KDM2B: variants seen among roughly 807,000 people sequenced by gnomAD.
KDM2B encodes lysine demethylase 2B, also known as lysine-specific demethylase 2B.
KDM2B carries 26 observed loss-of-function variants against 150.0 expected under a neutral mutation model. That is an observed-to-expected ratio of 0.17 (90% CI 0.13 to 0.24). The LOEUF is 0.24. KDM2B is among the 10% of genes least tolerant of loss of function. KDM2B has a pLI of 1.00. For missense variants in KDM2B, 1,265 were observed against 1,816.9 expected (o/e 0.70, Z 5.52); for synonymous variants, 734 against 729.5 (o/e 1.01, Z -0.10).
In KDM2B at chr12:121,532,915, G is replaced by A. The variant is rs782547447; in HGVS notation, c.822C>T (p.Tyr274=). ...IPPTLHNLAL[Y]EEWVLSGKQS... ...GTTTGCCTGACAGCACCCACTCCTC[G>A]TACAGCGCCAAATTGTGCAGCGTTG... is the stretch of plus-strand genomic sequence containing the variant. The change falls in exon 8 of 23, where the codon TAC becomes TAT. Residue 274 remains tyrosine (Y), a synonymous_variant. Coordinates refer to ENST00000377071, the MANE Select transcript of KDM2B (RefSeq NM_032590.5). 4.3e-6 allele frequency: 7 copies of A among 1,614,050 alleles called. No individual in the cohort carries two copies. The highest frequency in any genetic ancestry group is 4.5e-5 in the East Asian group (2 of 44,894).
At chr12:121,579,057 C>A (rs1891731769) in intron 1 of KDM2B, 111 bp from the exon 2 acceptor site, 2 of 1,210,094 alleles carry the variant, frequency 1.7e-6, no homozygotes, top group East Asian at 4.9e-5. Context: ...CCCTGCACCC[C>A]ACCATTGCAA....
Position 121,575,924 on chromosome 12 carries a change from G to C in KDM2B, c.272-65C>G. The C allele has an allele frequency of 8.0e-7, 1 of 1,247,554 alleles. No individual in the cohort carries two copies. Among genetic ancestry groups the C allele is most frequent in the Non-Finnish European group, 1.2e-6 (1 of 847,268 alleles). The allele number at this position is 1,247,554 out of a possible 1,614,324, so 77.3% of individuals were successfully genotyped here. A position where few individuals can be genotyped will look rare whatever the true frequency, so the allele number is the denominator to read the frequency against. On this transcript the variant is annotated intron_variant, in intron 2 of 22. Coordinates refer to ENST00000377071, the MANE Select transcript of KDM2B (RefSeq NM_032590.5). The surrounding 1 kb of genome is among the most constrained non-coding windows in gnomAD (Gnocchi z 4.4). Reference sequence around the variant, plus strand: ...CGAAGGAGCAAATGAACCGGGATCTGTTGGTTAGGGGAAGAAAACTGATGG... The same window carrying C: ...CGAAGGAGCAAATGAACCGGGATCTCTTGGTTAGGGGAAGAAAACTGATGG...
At chr12:121,449,534 G>A (rs902225640) in intron 13 of KDM2B, among the ~76,000 whole-genome samples, 9 of 152,278 alleles carry the variant, frequency 5.9e-5, no homozygotes, top group Non-Finnish European at 8.8e-5. Flanking sequence ...AGGCACCAGA[G>A]CTGCAAAGAT....
At chr12:121,426,949 A>C (rs1555284327), downstream of KDM2B, among the ~76,000 whole-genome samples, 1 of 152,036 alleles carries the variant, frequency 6.6e-6, no homozygotes, top group Non-Finnish European at 1.5e-5. Context: ...TAAATTTTTT[A>C]AATAGGTCAT....
chr12:121,487,844 C>T (rs898833473), intron 12 of KDM2B, among the ~76,000 whole-genome samples: 9 of 150,118 alleles, frequency 6.0e-5, no homozygotes, highest in Admixed American at 3.3e-4. Flanking sequence ...CACGGTGTCG[C>T]GATCTCGGCT....
rs1171751658 is a variant in KDM2B at position 121,513,651 on chromosome 12, G to T, written c.1048-249C>A. Among the ~76,000 whole-genome samples, 2 of 152,154 alleles carry T rather than the reference G, an allele frequency of 1.3e-5. No individual in the cohort carries two copies. Among genetic ancestry groups the T allele is most frequent in the Non-Finnish European group, 2.9e-5 (2 of 68,018 alleles). On this transcript the variant is annotated intron_variant, in intron 9 of 22. Coordinates refer to ENST00000377071, the MANE Select transcript of KDM2B (RefSeq NM_032590.5). This position sits in a 1 kb window ranked among gnomAD's most constrained non-coding sequence, Gnocchi z 5.0. Reference sequence around the variant, plus strand: ...GGTCCCTGAGCTGCACGCCCCAGAGGTTGGATGGGGGCCACTTGATGCTCC... The same window carrying T: ...GGTCCCTGAGCTGCACGCCCCAGAGTTTGGATGGGGGCCACTTGATGCTCC...
intron 11 of KDM2B, 136 bp from the exon 12 acceptor site, chr12:121,494,801 C>A (rs1023966718): frequency 5.0e-6 from 3 of 601,450 alleles, no homozygotes; most frequent in Non-Finnish European, 8.5e-6. Flanking sequence ...CCACCACCCA[C>A]ACATTCAATA....
At chr12:121,522,147 T>A (rs1284975541) in intron 8 of KDM2B, among the ~76,000 whole-genome samples, 4 of 151,916 alleles carry the variant, frequency 2.6e-5, no homozygotes, top group Non-Finnish European at 5.9e-5. Context: ...AGGGCCCACC[T>A]TGTGCCAGGC....
At chr12:121,577,539 T>C (rs1424032644) in intron 2 of KDM2B, among the ~76,000 whole-genome samples, 1 of 151,828 alleles carries the variant, frequency 6.6e-6, no homozygotes, top group Non-Finnish European at 1.5e-5. Flanking sequence ...CAGGAGGCAA[T>C]GGGCACAAAA....
chr12:121,434,399 G>C (rs1484977861), intron 22 of KDM2B, among the ~76,000 whole-genome samples: 1 of 151,644 alleles, frequency 6.6e-6, no homozygotes, highest in Admixed American at 6.6e-5. Context: ...AGGAGGCTGA[G>C]GCAGGAGAAT....
rs1884286960 is a variant in KDM2B, at chr12:121,499,288, T to C, written c.1648-4623A>G. On this transcript the variant is annotated intron_variant, in intron 11 of 22. Transcript: ENST00000377071. ...CCATGCCCAGCTAATTTTTGTATCT[T>C]TTTTTTTTTTTTTAGTAGAGACAGG... Among the ~76,000 whole-genome samples, 5 of 143,590 alleles carry C rather than the reference T, an allele frequency of 3.5e-5. No homozygotes were observed. In the Admixed American group the frequency reaches 3.5e-4, roughly 10 times the overall value. The allele number at this position is 143,590 out of a possible 152,430, so 94.2% of individuals were successfully genotyped here.
chr12:121,443,171 G>A lies in KDM2B; in HGVS notation c.2566-141C>T, dbSNP rs375499228. The A allele has an allele frequency of 5.7e-4, 431 of 758,946 alleles. 4 individuals carry two copies. Among genetic ancestry groups the A allele is most frequent in the East Asian group, 4.0e-3 (150 of 37,204 alleles). The allele number at this position is 758,946 out of a possible 1,614,324, so 47.0% of individuals were successfully genotyped here. A position where few individuals can be genotyped will look rare whatever the true frequency, so the allele number is the denominator to read the frequency against. The stretch of plus-strand genomic sequence containing the variant: ...CCTTCCCCACAAATGCCATCTCCAC[G>A]TCTGACCGACAGACGGGCGAGCCCT... On this transcript the variant is annotated intron_variant, in intron 17 of 22. Transcript: ENST00000377071.
intron 12 of KDM2B, among the ~76,000 whole-genome samples, chr12:121,487,843 G>A (rs572786384): frequency 2.0e-5 from 3 of 149,276 alleles, no homozygotes; most frequent in South Asian, 4.2e-4. Context: ...GCACGGTGTC[G>A]CGATCTCGGC....
At chr12:121,427,982 T>G (rs1373117757), downstream of KDM2B, among the ~76,000 whole-genome samples, 2 of 152,232 alleles carry the variant, frequency 1.3e-5, no homozygotes, top group Non-Finnish European at 2.9e-5. Context: ...TTTGGAGAAC[T>G]CAGGCTGTCA....
At chr12:121,481,440 A>G (rs554528569) in intron 12 of KDM2B, among the ~76,000 whole-genome samples, 1 of 151,332 alleles carries the variant, frequency 6.6e-6, no homozygotes, top group South Asian at 2.1e-4. Context: ...CCCTTTTTCA[A>G]TAGGTCACCT....
chr12:121,580,242 T>A, intron 1 of KDM2B: 1 of 890,582 alleles, frequency 1.1e-6, no homozygotes, highest in Non-Finnish European at 1.4e-6. Context: ...GAAACCATTT[T>A]CAGCAGTTGT....
chr12:121,503,502 G>A (rs1430458706), intron 11 of KDM2B, among the ~76,000 whole-genome samples: 2 of 151,896 alleles, frequency 1.3e-5, no homozygotes, highest in African/African-American at 4.8e-5. Flanking sequence ...TTGTAGACTG[G>A]GGTCTCACTA....
intron 9 of KDM2B, chr12:121,516,494 C>T (rs1402526503): frequency 2.6e-5 from 36 of 1,379,914 alleles, no homozygotes; most frequent in Non-Finnish European, 2.7e-5. Context: ...TTCCACCCTT[C>T]GCCTTCAAAA....
the KDM2B span, among the ~76,000 whole-genome samples, chr12:121,414,382 T>A: frequency 6.6e-6 from 1 of 152,252 alleles, no homozygotes; most frequent in Non-Finnish European, 1.5e-5. Context: ...TGGCCCTCGC[T>A]GAAAATTTAT....
Sources: gnomAD v4.1 joint callset for allele counts (sites outside exome capture counted in the v4.1 genomes callset) on GRCh38, gnomAD v4.1.1 for gene constraint, Gnocchi (gnomAD v3.1) non-coding constraint, MANE v1.5 for transcripts, NCBI Gene and HGNC (gene_info 2026-07-23, HGNC 2026-07-21) for gene names.